ZNF548: variants seen among roughly 807,000 people sequenced by gnomAD.
ZNF548 encodes zinc finger protein 548.
A neutral mutation model predicts 10.2 loss-of-function variants in ZNF548; 10 were observed. The observed-to-expected ratio is 0.98, with a 90% CI of 0.60 to 1.66. ZNF548 has a LOEUF of 1.66. Among genes scored for constraint, ZNF548 ranks in the 40% most tolerant of loss-of-function variants. The pLI, the probability that ZNF548 is intolerant of heterozygous loss-of-function variation, is 0.00. For missense variants in ZNF548, 599 were observed against 657.0 expected, an observed-to-expected ratio of 0.91 and a Z score of 0.97; for synonymous variants, 217 against 223.5, an observed-to-expected ratio of 0.97 and a Z score of 0.26.
intron 1 of ZNF548, among the ~76,000 whole-genome samples, chr19:57,391,396 T>C (rs2088623987): frequency 1.3e-5 from 2 of 152,150 alleles, no homozygotes; most frequent in Non-Finnish European, 2.9e-5. Flanking sequence ...GTTAATTCCC[T>C]ATCTTTGCTA....
At chr19:57,397,214 G>T in intron 3 of ZNF548, 40 bp downstream of exon 3, 1 of 1,517,142 alleles carries the variant, frequency 6.6e-7, no homozygotes, top group Non-Finnish European at 8.8e-7. Context: ...GGGTTAGGCT[G>T]TGTTACCCCT....
rs766150523 is a variant in ZNF548, at chr19:57,390,134, C to A, written c.15+20C>A. 10 of 1,606,284 alleles carry A rather than the reference C, an allele frequency of 6.2e-6. No individual in the cohort carries two copies. Among genetic ancestry groups the A allele is most frequent in the Non-Finnish European group, 6.8e-6 (8 of 1,179,088 alleles). ...ACTGAGGTGGGTGTCCCGTCCCAGG[C>A]TCCCCCGCCCGACCGGTCCTCCCAG... is the stretch of plus-strand genomic sequence containing the variant. On this transcript the variant is annotated intron_variant, in intron 1 of 3. Coordinates refer to ENST00000336128, the MANE Select transcript of ZNF548 (RefSeq NM_001172773.2).
chr19:57,391,687 A>G (rs2088626088), intron 1 of ZNF548, among the ~76,000 whole-genome samples: 1 of 151,166 alleles, frequency 6.6e-6, no homozygotes, highest in Non-Finnish European at 1.5e-5. Context: ...CTGTGGTTTT[A>G]ATTTGAATTT....
intron 1 of ZNF548, chr19:57,392,658 A>C (rs980250627): frequency 1.9e-5 from 8 of 413,742 alleles, no homozygotes; most frequent in Admixed American, 6.4e-5. Flanking sequence ...CTATTTCTGC[A>C]GTCAAATGCT....
At chr19:57,393,908 C>T (rs532407481) in intron 1 of ZNF548, 93 of 487,126 alleles carry the variant, frequency 1.9e-4, no homozygotes, top group African/African-American at 3.5e-4. Flanking sequence ...GGACCATAGC[C>T]GCTGATATAT....
chr19:57,389,939 A>T lies in ZNF548; in HGVS notation c.-161A>T. The T allele has an allele frequency of 1.2e-6, 1 of 859,142 alleles. No homozygotes were observed. The highest frequency in any genetic ancestry group is 1.7e-5 in the African/African-American group (1 of 59,840). 53.2% of individuals were successfully genotyped at this position (859,142 alleles called of 1,614,324 possible). A position where few individuals can be genotyped will look rare whatever the true frequency, so the allele number is the denominator to read the frequency against. ...TCGGCCTATGGCTCTGTCTGACGTCACCGAAGTGACGGAACGGAAAAGCGC... is the reference window on the plus strand; with the variant it reads ...TCGGCCTATGGCTCTGTCTGACGTCTCCGAAGTGACGGAACGGAAAAGCGC... On this transcript the variant is annotated 5_prime_UTR_variant, in exon 1 of 4. Transcript: ENST00000336128.
At chr19:57,393,547 C>A (rs1029673437) in intron 1 of ZNF548, among the ~76,000 whole-genome samples, 2 of 151,726 alleles carry the variant, frequency 1.3e-5, no homozygotes, top group Admixed American at 1.3e-4. Context: ...GTAATCCCAG[C>A]TTCTCAGGAG....
intron 1 of ZNF548, chr19:57,390,353 GAA>G (rs2088614454): frequency 2.4e-6 from 1 of 416,558 alleles, no homozygotes; most frequent in Non-Finnish European, 4.3e-6. Flanking sequence ...GTTTCTGCGG[GAA>G]AGAGAGGGTT....
In ZNF548 at chr19:57,399,614, C is replaced by G; in HGVS notation, c.1363C>G (p.His455Asp). 1 of 1,614,148 alleles carries G rather than the reference C, an allele frequency of 6.2e-7. No individual in the cohort carries two copies. The highest frequency in any genetic ancestry group is 8.5e-7 in the Non-Finnish European group (1 of 1,179,998). ...NSNLIKHWRNHTGERPYECRE... is the reference protein window; with the variant it reads ...NSNLIKHWRNDTGERPYECRE... Reference sequence around the variant, plus strand: ...CAACCTCATTAAACATTGGAGAAATCACACTGGAGAAAGGCCTTACGAGTG... The same window carrying G: ...CAACCTCATTAAACATTGGAGAAATGACACTGGAGAAAGGCCTTACGAGTG... Residue 455 changes from histidine to aspartate, a missense_variant, in exon 4 of 4, where the codon CAC (histidine) becomes GAC (aspartate). Physicochemically the swap from His to Asp is moderately conservative, Grantham distance 81 (BLOSUM62 -1). Coordinates refer to ENST00000336128, the MANE Select transcript of ZNF548 (RefSeq NM_001172773.2). The surrounding 1 kb of genome is among the most constrained non-coding windows in gnomAD (Gnocchi z 4.0).
intron 1 of ZNF548, among the ~76,000 whole-genome samples, chr19:57,391,789 GTTTTTTTT>G (rs71186258): frequency 2.0e-4 from 19 of 93,580 alleles, no homozygotes; most frequent in Admixed American, 4.4e-4. Flanking sequence ...TGTGCTTACT[GTTTTTTTT>G]TTTTTTTTTT....
At position 57,400,589 on chromosome 19, in the gene ZNF548, C is replaced by T. The variant is rs192366408; in HGVS notation, c.*700C>T. 500 of 152,384 alleles carry T rather than the reference C, an allele frequency of 3.3e-3. 1 individual carries two copies. The highest frequency in any genetic ancestry group is 5.6e-3 in the Non-Finnish European group (383 of 68,142). The allele number at this position is 152,384 out of a possible 1,614,324, so 9.4% of individuals were successfully genotyped here. A position where few individuals can be genotyped will look rare whatever the true frequency, so the allele number is the denominator to read the frequency against. On this transcript the variant is annotated 3_prime_UTR_variant, in exon 4 of 4. Coordinates refer to ENST00000336128, the MANE Select transcript of ZNF548 (RefSeq NM_001172773.2). Reference sequence around the variant, plus strand: ...CTGGGACTACAGGTGCCTGCCACCACGCCTGGCTAATTTTTTTGTATTTTT... The same window carrying T: ...CTGGGACTACAGGTGCCTGCCACCATGCCTGGCTAATTTTTTTGTATTTTT...
chr19:57,398,939 A>G lies in ZNF548; in HGVS notation c.688A>G (p.Ile230Val), dbSNP rs1468646338. The change falls in exon 4 of 4, where the codon ATC (isoleucine) becomes GTC (valine). Residue 230 changes from isoleucine to valine, a missense_variant. Transcript: ENST00000336128. ...CSYSFVEHQK[I>V]HTGERSYECN... ...CTATTCATTTGTTGAGCACCAGAAA[A>G]TCCACACAGGAGAAAGGTCTTATGA... 1 of 1,614,124 alleles carries G rather than the reference A, an allele frequency of 6.2e-7. No homozygotes were observed. The highest frequency in any genetic ancestry group is 1.7e-5 in the Admixed American group (1 of 60,024).
At chr19:57,396,634 G>A (rs1441908023) in intron 2 of ZNF548, among the ~76,000 whole-genome samples, 1 of 152,236 alleles carries the variant, frequency 6.6e-6, no homozygotes, top group African/African-American at 2.4e-5. Context: ...CCCAAGGGGG[G>A]TACATACCAC....
chr19:57,399,958 T>C lies in ZNF548; in HGVS notation c.*69T>C. 1 of 1,304,506 alleles carries C rather than the reference T, an allele frequency of 7.7e-7. No homozygotes were observed. The highest frequency in any genetic ancestry group is 1.0e-6 in the Non-Finnish European group (1 of 971,772). 80.8% of individuals were successfully genotyped at this position (1,304,506 alleles called of 1,614,324 possible). On this transcript the variant is annotated 3_prime_UTR_variant, in exon 4 of 4. Transcript: ENST00000336128. The surrounding 1 kb of genome is among the most constrained non-coding windows in gnomAD (Gnocchi z 4.0). ...ATGCAACTAATCTCCAGAACATTTT[T>C]CCTCTTACCAAGAAGTAAAATGCTG...
intron 2 of ZNF548, 108 bp downstream of exon 2, chr19:57,394,331 T>G: frequency 8.5e-7 from 1 of 1,172,380 alleles, no homozygotes; most frequent in East Asian, 2.6e-5. Flanking sequence ...GAAGGGTGAG[T>G]GGTTTCACCA....
chr19:57,399,608 A>G lies in ZNF548; in HGVS notation c.1357A>G (p.Arg453Gly), dbSNP rs2088698052. 1.2e-6 allele frequency: 2 copies of G among 1,613,946 alleles called. No homozygotes were observed. The highest frequency in any genetic ancestry group is 1.7e-6 in the Non-Finnish European group (2 of 1,179,986). ...RYNSNLIKHW[R>G]NHTGERPYEC... Reference sequence around the variant, plus strand: ...CAACTCCAACCTCATTAAACATTGGAGAAATCACACTGGAGAAAGGCCTTA... The same window carrying G: ...CAACTCCAACCTCATTAAACATTGGGGAAATCACACTGGAGAAAGGCCTTA... Residue 453 changes from arginine (R) to glycine (G), a missense_variant, in exon 4 of 4, where the codon AGA becomes GGA. Physicochemically the swap from Arg to Gly is moderately radical, Grantham distance 125 (BLOSUM62 -2). Coordinates refer to ENST00000336128, the MANE Select transcript of ZNF548 (RefSeq NM_001172773.2). The surrounding 1 kb of genome is among the most constrained non-coding windows in gnomAD (Gnocchi z 4.0).
chr19:57,396,157 G>T (rs556876546), intron 2 of ZNF548, among the ~76,000 whole-genome samples: 4 of 152,318 alleles, frequency 2.6e-5, no homozygotes, highest in Admixed American at 2.0e-4. Context: ...GGATTGGAGT[G>T]CTGTCCAAAG....
chr19:57,397,263 C>A, intron 3 of ZNF548, 89 bp downstream of exon 3: 1 of 1,449,086 alleles, frequency 6.9e-7, no homozygotes, highest in Non-Finnish European at 9.1e-7. Flanking sequence ...CACAGTGAGA[C>A]CGTGGGTGCT....
At chr19:57,391,809 T>TTA (rs1201553007) in intron 1 of ZNF548, among the ~76,000 whole-genome samples, 8 of 148,310 alleles carry the variant, frequency 5.4e-5, no homozygotes, top group Non-Finnish European at 1.2e-4. Flanking sequence ...TTTTTTTTTT[T>TTA]TTGAAATGGA....
Sources: allele counts gnomAD v4.1 joint callset (sites outside exome capture counted in the v4.1 genomes callset), GRCh38; gene constraint gnomAD v4.1.1; non-coding constraint Gnocchi (gnomAD v3.1); transcripts MANE v1.5; gene names NCBI Gene and HGNC (gene_info 2026-07-23, HGNC 2026-07-21).